The following NBEA variants were observed in gnomAD, a reference collection of about 807,000 sequenced individuals.
NBEA encodes the protein neurobeachin.
A neutral mutation model predicts 343.4 loss-of-function variants in NBEA; 44 were observed. That is an observed-to-expected ratio of 0.13 (90% CI 0.10 to 0.16). The LOEUF is 0.16. Ranked by LOEUF, NBEA falls within the 10% of genes least tolerant of loss-of-function variation. The pLI, the probability that NBEA is intolerant of heterozygous loss-of-function variation, is 1.00. For synonymous variants in NBEA, 1,175 were observed against 1,238.7 expected (o/e 0.95, Z 1.08); for missense variants, 2,555 against 3,631.3 (o/e 0.70, Z 7.62).
Position 35,159,694 on chromosome 13 carries a change from C to G in NBEA, c.3523C>G (p.Gln1175Glu). The G allele has an allele frequency of 6.2e-7, 1 of 1,612,786 alleles. No homozygotes were observed. Among genetic ancestry groups the G allele is most frequent in the Non-Finnish European group, 8.5e-7 (1 of 1,179,398 alleles). Residue 1175 changes from glutamine (Q) to glutamate (E), a missense_variant, in exon 22 of 59, where the codon CAA (glutamine) becomes GAA (glutamate). Gln to Glu is a conservative substitution (Grantham distance 29, BLOSUM62 2). This residue lies in a region of NBEA where 367 missense variants were observed against 377.5 expected (regional missense o/e 0.97). Transcript: ENST00000379939. ...NHIIPNIQDT[Q>E]VHLGVSDDLG... is the part of the protein sequence containing the mutation. ...CATTATTCCAAATATTCAGGACACA[C>G]AAGTACATCTTGGTGTTAGTGATGA... is the stretch of plus-strand genomic sequence containing the variant.
intron 38 of NBEA, among the ~76,000 whole-genome samples, chr13:35,415,713 G>A (rs2043865838): frequency 1.3e-5 from 2 of 152,062 alleles, no homozygotes; most frequent in African/African-American, 2.4e-5. Context: ...ACTTGGCGAT[G>A]TGGGCTCTTT....
chr13:35,484,210 A>G, intron 41 of NBEA, among the ~76,000 whole-genome samples: 1 of 150,122 alleles, frequency 6.7e-6, no homozygotes, highest in East Asian at 2.0e-4. Flanking sequence ...GAAAAAATTT[A>G]CTTAAATATT....
intron 19 of NBEA, 42 bp downstream of exon 19, chr13:35,155,897 T>A: frequency 6.4e-7 from 1 of 1,555,076 alleles, no homozygotes; most frequent in South Asian, 1.1e-5. Context: ...GGTAGGCGCA[T>A]GGCAACATAT....
chr13:35,148,613 A>G (rs1761792909), intron 18 of NBEA, among the ~76,000 whole-genome samples: 1 of 152,306 alleles, frequency 6.6e-6, no homozygotes, highest in African/African-American at 2.4e-5. Flanking sequence ...ATATATATAT[A>G]TTTCTCAACT....
chr13:35,461,691 G>A (rs1566167553), intron 40 of NBEA, among the ~76,000 whole-genome samples: 1 of 152,152 alleles, frequency 6.6e-6, no homozygotes, highest in African/African-American at 2.4e-5. Context: ...ACCTAAGAGT[G>A]TCCTGGTCCT....
intron 33 of NBEA, among the ~76,000 whole-genome samples, chr13:35,211,511 A>T (rs2073770863): frequency 1.3e-5 from 2 of 152,124 alleles, no homozygotes; most frequent in African/African-American, 4.8e-5. Flanking sequence ...GGGTGATAAA[A>T]AGTTTAAAAT....
intron 40 of NBEA, among the ~76,000 whole-genome samples, chr13:35,454,668 G>C (rs1451897629): frequency 6.6e-6 from 1 of 152,004 alleles, no homozygotes; most frequent in Non-Finnish European, 1.5e-5. Context: ...AGACCATCCT[G>C]GCTAACATGG....
At chr13:35,522,525 G>A (rs1197458662) in intron 41 of NBEA, among the ~76,000 whole-genome samples, 1 of 146,584 alleles carries the variant, frequency 6.8e-6, no homozygotes, top group African/African-American at 2.5e-5. Context: ...GGGGATGGGA[G>A]TCAGAGTCTG....
chr13:35,096,842 T>G (rs2028756), intron 10 of NBEA, among the ~76,000 whole-genome samples: 35 of 152,106 alleles, frequency 2.3e-4, no homozygotes, highest in African/African-American at 7.9e-4. Context: ...CAGCTGTGCT[T>G]CTTTACAGAA....
chr13:34,964,185 T>C (rs912191941), intron 1 of NBEA, among the ~76,000 whole-genome samples: 2 of 152,030 alleles, frequency 1.3e-5, no homozygotes, highest in Non-Finnish European at 2.9e-5. Context: ...GGAAATAACA[T>C]CATATGTTGA....
At chr13:35,228,490 C>T (rs890193948) in intron 33 of NBEA, among the ~76,000 whole-genome samples, 12 of 151,608 alleles carry the variant, frequency 7.9e-5, no homozygotes, top group Non-Finnish European at 1.6e-4. Context: ...GAATAATGTA[C>T]ATGATACCCA....
At chr13:35,115,466 C>T (rs531841935) in intron 13 of NBEA, among the ~76,000 whole-genome samples, 1 of 152,156 alleles carries the variant, frequency 6.6e-6, no homozygotes, top group Non-Finnish European at 1.5e-5. Context: ...AGAAATAACT[C>T]CGTCCCAAAT....
chr13:35,184,529 T>G (rs2071550317), intron 30 of NBEA, among the ~76,000 whole-genome samples: 1 of 151,922 alleles, frequency 6.6e-6, no homozygotes, highest in Non-Finnish European at 1.5e-5. Context: ...AAATTAAATA[T>G]TAGACATCCA....
At chr13:35,245,763 T>C (rs2031093155) in intron 34 of NBEA, among the ~76,000 whole-genome samples, 1 of 152,178 alleles carries the variant, frequency 6.6e-6, no homozygotes, top group Non-Finnish European at 1.5e-5. Flanking sequence ...ACAGTGTGCC[T>C]AGGTGATGAT....
At chr13:35,637,732 G>A (rs2083754508) in intron 49 of NBEA, among the ~76,000 whole-genome samples, 1 of 151,928 alleles carries the variant, frequency 6.6e-6, no homozygotes, top group Non-Finnish European at 1.5e-5. Context: ...TGAGGCAGGA[G>A]AATCACTTGA....
chr13:35,302,630 T>G (rs1290892141), intron 35 of NBEA, among the ~76,000 whole-genome samples: 1 of 152,124 alleles, frequency 6.6e-6, no homozygotes, highest in Non-Finnish European at 1.5e-5. Flanking sequence ...GCAAACAAAC[T>G]AATAATAGAA....
intron 36 of NBEA, among the ~76,000 whole-genome samples, chr13:35,332,143 T>C (rs1156488398): frequency 6.6e-6 from 1 of 152,090 alleles, no homozygotes; most frequent in Non-Finnish European, 1.5e-5. Context: ...TACTGGATAC[T>C]GAGATAAATA....
chr13:35,071,771 T>C (rs911706736), intron 10 of NBEA, among the ~76,000 whole-genome samples: 1 of 152,126 alleles, frequency 6.6e-6, no homozygotes, highest in African/African-American at 2.4e-5. Flanking sequence ...TTCTCATAAT[T>C]ATTATCTAAA....
intron 49 of NBEA, among the ~76,000 whole-genome samples, 156 bp downstream of exon 49, chr13:35,628,404 A>T (rs545776604): frequency 1.3e-5 from 2 of 152,364 alleles, no homozygotes; most frequent in East Asian, 3.9e-4. Context: ...GAAAAGTCCC[A>T]AAACAAGTAA....
Sources: allele counts gnomAD v4.1 joint callset (sites outside exome capture counted in the v4.1 genomes callset), GRCh38; gene constraint gnomAD v4.1.1; regional missense constraint gnomAD v4.1.1; transcripts MANE v1.5; gene names NCBI Gene and HGNC (gene_info 2026-07-23, HGNC 2026-07-21).